Variants in ZFP62 observed in about 807,000 individuals in gnomAD.
ZFP62 encodes the protein zinc finger protein 62 homolog.
ZFP62 carries 44 observed loss-of-function variants against 56.4 expected under a neutral mutation model. That is an observed-to-expected ratio of 0.78 (90% CI 0.61 to 1.00). The LOEUF (loss-of-function observed/expected upper bound fraction) is 1.00. Ranked by LOEUF, ZFP62 falls within the 50% of genes least tolerant of loss-of-function variation. The pLI, the probability that ZFP62 is intolerant of heterozygous loss-of-function variation, is 0.00. For missense variants in ZFP62, 1,030 were observed against 1,085.7 expected, an observed-to-expected ratio of 0.95 and a Z score of 0.72; for synonymous variants, 421 against 388.9, an observed-to-expected ratio of 1.08 and a Z score of -0.97.
intron 1 of ZFP62, among the ~76,000 whole-genome samples, chr5:180,857,341 T>G (rs899013495): frequency 1.3e-5 from 2 of 152,200 alleles, no homozygotes; most frequent in Non-Finnish European, 2.9e-5. Flanking sequence ...GTTTAAGCAT[T>G]CCTTTAAAAG....
chr5:180,840,712 C>T, the ZFP62 span, among the ~76,000 whole-genome samples: 1 of 151,746 alleles, frequency 6.6e-6, no homozygotes, highest in Admixed American at 6.6e-5. Context: ...GCCAAGATCC[C>T]GCCACTGCAC....
rs1343514537 is a variant in ZFP62, at chr5:180,850,064, A to G, written c.1431T>C (p.Tyr477=). 3 of 1,551,772 alleles carry G rather than the reference A, an allele frequency of 1.9e-6. No individual in the cohort carries two copies. The highest frequency in any genetic ancestry group is 2.0e-5 in the Admixed American group (1 of 50,998). Residue 477 remains tyrosine (Y), a synonymous_variant, in exon 2 of 2, where the codon TAT becomes TAC. Transcript: ENST00000502412. ...AGGCTTTCCCACACACATCACACTT[A>G]TATGGTTTTTCCCCAGTATGGAGCC... The part of the protein sequence containing the change: ...HRRLHTGEKP[Y]KCDVCGKAYI...
chr5:180,851,071 T>C lies in ZFP62; in HGVS notation c.424A>G (p.Lys142Glu), dbSNP rs772650474. 8.4e-6 allele frequency: 13 copies of C among 1,551,754 alleles called. No homozygotes were observed. In the South Asian group the frequency reaches 1.5e-4, roughly 18 times the overall value. The change falls in exon 2 of 2, where the codon AAA becomes GAA. Residue 142 changes from lysine (K) to glutamate (E), a missense_variant. By Grantham distance (56) the Lys-to-Glu change is moderately conservative (BLOSUM62 1). Coordinates refer to ENST00000502412, the MANE Select transcript of ZFP62 (RefSeq NM_001172638.2). ...AAGGATTTCCCACATTCATCACATTTATGTAATTTCTTAACAGCATTGGTT... is the reference window on the plus strand; with the variant it reads ...AAGGATTTCCCACATTCATCACATTCATGTAATTTCTTAACAGCATTGGTT... ...QKTNAVKKLHKCDECGKSFKY... is the reference protein window; with the variant it reads ...QKTNAVKKLHECDECGKSFKY...
At chr5:180,853,121 G>A (rs1389781419) in intron 1 of ZFP62, among the ~76,000 whole-genome samples, 1 of 152,312 alleles carries the variant, frequency 6.6e-6, no homozygotes, top group African/African-American at 2.4e-5. Flanking sequence ...AAACATACAT[G>A]CACAGAGTGA....
chr5:180,847,106 A>G (rs1168954155), downstream of ZFP62, among the ~76,000 whole-genome samples: 1 of 152,240 alleles, frequency 6.6e-6, no homozygotes, highest in Non-Finnish European at 1.5e-5. Context: ...TAGGAGTCCC[A>G]GAAGGAGATG....
intron 1 of ZFP62, among the ~76,000 whole-genome samples, chr5:180,853,247 A>G (rs1773805710): frequency 6.6e-6 from 1 of 152,242 alleles, no homozygotes; most frequent in South Asian, 2.1e-4. Context: ...AAAAAGGACG[A>G]GGAGCGCTTC....
chr5:180,831,061 T>C, the ZFP62 span: 1 of 152,448 alleles, frequency 6.6e-6, no homozygotes, highest in East Asian at 1.9e-4. Flanking sequence ...GCCAGGAACT[T>C]ACTGGGGCTG....
chr5:180,858,361 T>C (rs112400884), intron 1 of ZFP62, among the ~76,000 whole-genome samples: 15,721 of 150,096 alleles, frequency 0.1, 2,023 homozygotes, highest in African/African-American at 0.31. Flanking sequence ...TCTCAGCACA[T>C]TGGGAGGCTG....
At chr5:180,834,863 CTG>C in the ZFP62 span, 2 of 152,228 alleles carry the variant, frequency 1.3e-5, no homozygotes, top group South Asian at 4.1e-4. Context: ...TTGGAGGAGA[CTG>C]TTTTATGAGT....
chr5:180,850,806 C>T lies in ZFP62; in HGVS notation c.689G>A (p.Cys230Tyr), dbSNP rs1260727153. ...SGEKNCKCDECGKSFNYSSVL... is the reference protein window; with the variant it reads ...SGEKNCKCDEYGKSFNYSSVL... ...AGAGCTATAATTGAAGGATTTTCCACATTCATCACATTTACAGTTCTTCTC... is the reference window on the plus strand; with the variant it reads ...AGAGCTATAATTGAAGGATTTTCCATATTCATCACATTTACAGTTCTTCTC... Residue 230 changes from cysteine (C) to tyrosine (Y), a missense_variant, in exon 2 of 2, where the codon TGT becomes TAT. Physicochemically the swap from Cys to Tyr is radical, Grantham distance 194 (BLOSUM62 -2). Transcript: ENST00000502412. 6.4e-7 allele frequency: 1 copy of T among 1,574,522 alleles called. No homozygotes were observed. The highest frequency in any genetic ancestry group is 1.2e-5 in the South Asian group (1 of 86,442).
rs1199235459 is a variant in ZFP62, at chr5:180,848,997, A to T, written c.2498T>A (p.Ile833Asn). 6.4e-7 allele frequency: 1 copy of T among 1,551,674 alleles called. No homozygotes were observed. The highest frequency in any genetic ancestry group is 8.7e-7 in the Non-Finnish European group (1 of 1,146,946). The change falls in exon 2 of 2, where the codon ATC becomes AAC. Residue 833 changes from isoleucine (I) to asparagine (N), a missense_variant. Transcript: ENST00000502412. The part of the protein sequence containing the change: ...YRSVLDQHKR[I>N]HTGKKPYRCN... Reference sequence around the variant, plus strand: ...TCGGTATGGCTTCTTTCCAGTGTGGATCCTTTTGTGCTGGTCAAGGACTGA... The same window carrying T: ...TCGGTATGGCTTCTTTCCAGTGTGGTTCCTTTTGTGCTGGTCAAGGACTGA...
chr5:180,835,219 C>T, the ZFP62 span: 1 of 152,236 alleles, frequency 6.6e-6, no homozygotes, highest in African/African-American at 2.4e-5. Flanking sequence ...ACTATCCAAT[C>T]ACCTGAGGGC....
chr5:180,828,499 G>A, the ZFP62 span, among the ~76,000 whole-genome samples: 2 of 152,182 alleles, frequency 1.3e-5, no homozygotes, highest in Non-Finnish European at 2.9e-5. Flanking sequence ...CATAAATTGT[G>A]AAGATTTTAT....
At chr5:180,833,603 G>A in the ZFP62 span, among the ~76,000 whole-genome samples, 4 of 151,896 alleles carry the variant, frequency 2.6e-5, no homozygotes, top group Non-Finnish European at 5.9e-5. Flanking sequence ...GACCATGCTG[G>A]CACCACGATC....
chr5:180,827,641 C>T, the ZFP62 span, among the ~76,000 whole-genome samples: 43 of 152,318 alleles, frequency 2.8e-4, no homozygotes, highest in Admixed American at 1.2e-3. Context: ...AATATGGCCT[C>T]ATGGGAAGGG....
chr5:180,851,369 T>A lies in ZFP62; in HGVS notation c.126A>T (p.Thr42=), dbSNP rs1438654003. The A allele has an allele frequency of 3.2e-6, 5 of 1,551,596 alleles. No individual in the cohort carries two copies. In the African/African-American group the frequency reaches 5.5e-5, roughly 17 times the overall value. ...TCTCTACCTTGCTATCCCAAACACA[T>A]GTGTCACCAACCTTAGATTCAGGCA... ...DPMPESKVGD[T]CVWDSKVENQ... is the part of the protein sequence containing the mutation. The change falls in exon 2 of 2, where the codon ACA becomes ACT. Residue 42 remains threonine (T), a synonymous_variant. Coordinates refer to ENST00000502412, the MANE Select transcript of ZFP62 (RefSeq NM_001172638.2).
At chr5:180,841,254 C>T in the ZFP62 span, among the ~76,000 whole-genome samples, 111,184 of 147,288 alleles carry the variant, frequency 0.75, 42,228 homozygotes, top group East Asian at 0.98. Context: ...TATATATATA[C>T]ACACACACAC....
In ZFP62 at chr5:180,848,909, A is replaced by G; in HGVS notation, c.2586T>C (p.His862=). 1.9e-6 allele frequency: 3 copies of G among 1,551,660 alleles called. No individual in the cohort carries two copies. The highest frequency in any genetic ancestry group is 2.6e-6 in the Non-Finnish European group (3 of 1,146,982). The change falls in exon 2 of 2, where the codon CAT becomes CAC. Residue 862 remains histidine (H), a synonymous_variant. Coordinates refer to ENST00000502412, the MANE Select transcript of ZFP62 (RefSeq NM_001172638.2). ...RSNLTKHKRT[H]TGEESLNVIY... ...TCACATTTAAAGATTCCTCTCCAGT[A>G]TGGGTTCTTTTATGCTTGGTGAGAT...
chr5:180,836,182 G>A, the ZFP62 span, among the ~76,000 whole-genome samples: 1 of 152,212 alleles, frequency 6.6e-6, no homozygotes, highest in African/African-American at 2.4e-5. Context: ...ACGGCCTAAC[G>A]ATGCATTTCT....
Sources: gnomAD v4.1 joint callset for allele counts (sites outside exome capture counted in the v4.1 genomes callset) on GRCh38, gnomAD v4.1.1 for gene constraint, MANE v1.5 for transcripts, NCBI Gene and HGNC (gene_info 2026-07-23, HGNC 2026-07-21) for gene names.